Variants in ODAD2 observed in about 807,000 individuals in gnomAD.
ODAD2 encodes outer dynein arm docking complex subunit 2.
In ODAD2, 89 loss-of-function variants were observed where a neutral mutation model predicts 106.8. The ratio of observed to expected loss-of-function variants is 0.83; its 90% CI spans 0.70 to 0.99. The LOEUF is 0.99. Ranked by LOEUF, ODAD2 falls within the 50% of genes least tolerant of loss-of-function variation. The probability of loss-of-function intolerance (pLI) is 0.00; values close to 1 mark genes in which losing one functional copy is unlikely to be tolerated. For synonymous variants in ODAD2, 404 were observed against 436.2 expected, an observed-to-expected ratio of 0.93 and a Z score of 0.92; for missense variants, 1,168 against 1,238.5, an observed-to-expected ratio of 0.94 and a Z score of 0.85.
intron 17 of ODAD2, among the ~76,000 whole-genome samples, chr10:27,885,782 A>AT (rs1276049380): frequency 9.8e-5 from 5 of 51,034 alleles, no homozygotes; most frequent in Non-Finnish European, 1.7e-4. Context: ...TATAAAATAT[A>AT]TATTATATAT....
At chr10:27,932,109 A>AT (rs1307312348) in intron 16 of ODAD2, among the ~76,000 whole-genome samples, 4 of 151,944 alleles carry the variant, frequency 2.6e-5, no homozygotes, top group Non-Finnish European at 5.9e-5. Flanking sequence ...AATTCTTTAC[A>AT]TTTTTTATAG....
chr10:27,985,899 G>T (rs1849847666), intron 3 of ODAD2, among the ~76,000 whole-genome samples: 1 of 151,858 alleles, frequency 6.6e-6, no homozygotes, highest in Admixed American at 6.6e-5. Flanking sequence ...ACAGAATTTG[G>T]TTAATGTCAA....
intron 1 of ODAD2, among the ~76,000 whole-genome samples, chr10:27,997,776 AT>A (rs1850640903): frequency 6.6e-6 from 1 of 152,328 alleles, no homozygotes; most frequent in Admixed American, 6.5e-5. Context: ...CAAAACTAAG[AT>A]TTTAAAATCA....
chr10:27,894,336 A>G (rs1394486436), intron 17 of ODAD2, among the ~76,000 whole-genome samples: 1 of 152,098 alleles, frequency 6.6e-6, no homozygotes, highest in Non-Finnish European at 1.5e-5. Flanking sequence ...CCAAGTACAC[A>G]TAACCTCCAC....
intron 10 of ODAD2, among the ~76,000 whole-genome samples, chr10:27,948,609 G>A (rs919093650): frequency 1.3e-5 from 2 of 151,970 alleles, no homozygotes; most frequent in African/African-American, 4.8e-5. Flanking sequence ...CATTTCTGAG[G>A]TTTTAGGAGC....
At chr10:27,852,808 A>G (rs1030391253) in intron 19 of ODAD2, among the ~76,000 whole-genome samples, 9 of 152,020 alleles carry the variant, frequency 5.9e-5, no homozygotes, top group African/African-American at 2.2e-4. Flanking sequence ...TAAAAATACA[A>G]AAAGTAGTCA....
chr10:27,955,569 A>G lies in ODAD2; in HGVS notation c.1386+5999T>C, dbSNP rs1339940432. Among the ~76,000 whole-genome samples, 3 of 152,086 alleles carry G rather than the reference A, an allele frequency of 2.0e-5. No homozygotes were observed. The East Asian group carries it at 5.8e-4, about 29-fold the overall frequency. On this transcript the variant is annotated intron_variant, in intron 10 of 19. Coordinates refer to ENST00000305242, the MANE Select transcript of ODAD2 (RefSeq NM_018076.5). The stretch of plus-strand genomic sequence containing the variant: ...AGGATCAAACTACCTGCCACTCCAT[A>G]CCCAAAACTCAAGTAATGGGAAAGG...
chr10:27,893,407 C>G (rs959024970), intron 17 of ODAD2, among the ~76,000 whole-genome samples: 2 of 152,138 alleles, frequency 1.3e-5, no homozygotes, highest in Non-Finnish European at 1.5e-5. Flanking sequence ...TTTCATGACG[C>G]CTGACAGACG....
chr10:27,935,839 T>TGC (rs1378074838), intron 15 of ODAD2, among the ~76,000 whole-genome samples: 1 of 151,858 alleles, frequency 6.6e-6, no homozygotes, highest in Non-Finnish European at 1.5e-5. Context: ...CACATATGTA[T>TGC]GCATATATAT....
chr10:27,896,461 ATGAT>A (rs1465269366), intron 17 of ODAD2, among the ~76,000 whole-genome samples: 2 of 152,204 alleles, frequency 1.3e-5, no homozygotes, highest in Admixed American at 1.3e-4. Context: ...TAATAGATGG[ATGAT>A]TGATTGAAAG....
chr10:27,844,854 G>A (rs1003872954), intron 19 of ODAD2, among the ~76,000 whole-genome samples: 3 of 152,136 alleles, frequency 2.0e-5, no homozygotes, highest in African/African-American at 4.8e-5. Flanking sequence ...TTTGGCTAGC[G>A]ATGGGGTGGT....
chr10:27,931,867 A>C lies in ODAD2; in HGVS notation c.2495+3143T>G, dbSNP rs74367968. On this transcript the variant is annotated intron_variant, in intron 16 of 19. Transcript: ENST00000305242. ...ATCTATAATAAATACAATTCAGTGC[A>C]GACACTCTTCAACTCACAATGGGGT... Among the ~76,000 whole-genome samples the C allele has an allele frequency of 6.5e-3, 990 of 151,632 alleles. 8 individuals are homozygous for C. The highest frequency in any genetic ancestry group is 0.023 in the African/African-American group (942 of 41,286).
intron 17 of ODAD2, among the ~76,000 whole-genome samples, chr10:27,867,199 G>A (rs1044783795): frequency 6.6e-6 from 1 of 152,096 alleles, no homozygotes; most frequent in Middle Eastern, 3.2e-3. Flanking sequence ...GGAAGGCAGA[G>A]GCATTTGTGA....
Position 27,885,647 on chromosome 10 carries a change from A to T in ODAD2, c.2610+22016T>A, listed in dbSNP as rs1462981107. Among the ~76,000 whole-genome samples the T allele has an allele frequency of 2.6e-4, 12 of 45,570 alleles. 1 individual carries two copies. The highest frequency in any genetic ancestry group is 4.9e-4 in the Non-Finnish European group (12 of 24,476). The allele number at this position is 45,570 out of a possible 152,430, so 29.9% of individuals were successfully genotyped here. On this transcript the variant is annotated intron_variant, in intron 17 of 19. Transcript: ENST00000305242. ...AATATATAAAATATATATTATATATATTATATATAATATATTATATATAAA... is the reference window on the plus strand; with the variant it reads ...AATATATAAAATATATATTATATATTTTATATATAATATATTATATATAAA...
At chr10:27,945,074 T>A in intron 10 of ODAD2, 112 bp from the exon 11 acceptor site, 1 of 1,268,040 alleles carries the variant, frequency 7.9e-7, no homozygotes, top group Non-Finnish European at 1.1e-6. Flanking sequence ...TGGGCTAGAA[T>A]TTGTTAAATG....
At chr10:27,931,085 A>T (rs1845586401) in intron 16 of ODAD2, among the ~76,000 whole-genome samples, 1 of 152,158 alleles carries the variant, frequency 6.6e-6, no homozygotes, top group East Asian at 1.9e-4. Flanking sequence ...ACTTCTTCCA[A>T]GACCCATTCA....
intron 9 of ODAD2, among the ~76,000 whole-genome samples, chr10:27,962,854 T>C (rs1206202890): frequency 6.6e-6 from 1 of 152,078 alleles, no homozygotes; most frequent in Non-Finnish European, 1.5e-5. Context: ...ATCACTCACA[T>C]GTGGAGAGGT....
intron 17 of ODAD2, among the ~76,000 whole-genome samples, chr10:27,874,074 T>G (rs1287375193): frequency 1.3e-5 from 2 of 152,276 alleles, no homozygotes; most frequent in African/African-American, 4.8e-5. Context: ...GGATAGTTAG[T>G]TCTCCTTGTT....
chr10:27,941,596 GTTTTT>G (rs371752746), intron 12 of ODAD2, among the ~76,000 whole-genome samples: 59 of 114,928 alleles, frequency 5.1e-4, no homozygotes, highest in Admixed American at 3.2e-3. Flanking sequence ...CCAGCATCCA[GTTTTT>G]TTTTTTTTTT....
Sources: gnomAD v4.1 joint callset for allele counts (sites outside exome capture counted in the v4.1 genomes callset) on GRCh38, gnomAD v4.1.1 for gene constraint, MANE v1.5 for transcripts, NCBI Gene and HGNC (gene_info 2026-07-23, HGNC 2026-07-21) for gene names.